WDFY3: variants seen among roughly 807,000 people sequenced by gnomAD.
WDFY3 encodes the protein WD repeat and FYVE domain-containing protein 3.
In WDFY3, 66 loss-of-function variants were observed where a neutral mutation model predicts 409.6. The ratio of observed to expected loss-of-function variants is 0.16; its 90% CI spans 0.13 to 0.20. The LOEUF (loss-of-function observed/expected upper bound fraction) is 0.20, where lower values mean the gene tolerates loss of function less well. WDFY3 is among the 10% of genes least tolerant of loss of function. The pLI, the probability that WDFY3 is intolerant of heterozygous loss-of-function variation, is 1.00. For synonymous variants in WDFY3, 1,521 were observed against 1,537.1 expected (o/e 0.99, Z 0.25); for missense variants, 3,031 against 4,298.1 (o/e 0.71, Z 8.24).
intron 55 of WDFY3, among the ~76,000 whole-genome samples, chr4:84,704,099 G>GA (rs574076761): frequency 2.3e-3 from 346 of 152,320 alleles, no homozygotes; most frequent in Non-Finnish European, 3.5e-3. Flanking sequence ...AGGGCTGGTT[G>GA]AAAAATGTAT....
Position 84,672,036 on chromosome 4 carries a change from C to T in WDFY3, c.*832G>A, listed in dbSNP as rs1394965114. On this transcript the variant is annotated 3_prime_UTR_variant, in exon 68 of 68. Coordinates refer to ENST00000295888, the MANE Select transcript of WDFY3 (RefSeq NM_014991.6). ...GGTATTCTTTGACCAAACAGCAGTC[C>T]ACATACAAGTTTAAAAGGGGCCCTG... is the stretch of plus-strand genomic sequence containing the variant. The T allele has an allele frequency of 6.6e-6, 1 of 152,144 alleles. No individual in the cohort carries two copies. The highest frequency in any genetic ancestry group is 2.4e-5 in the African/African-American group (1 of 41,418). The allele number at this position is 152,144 out of a possible 1,614,324, so 9.4% of individuals were successfully genotyped here. A position where few individuals can be genotyped will look rare whatever the true frequency, so the allele number is the denominator to read the frequency against.
Position 84,867,971 on chromosome 4 carries a change from T to C in WDFY3, c.-31-7349A>G, listed in dbSNP as rs543761026. 1.8e-4 allele frequency among the ~76,000 whole-genome samples: 27 copies of C among 151,678 alleles called. No individual in the cohort carries two copies. In the East Asian group the frequency reaches 2.9e-3, roughly 16 times the overall value. ...AGATCACAAGGTCAAGAGATCAAGA[T>C]CATCCTGGCCAACATGGTGAAACCC... On this transcript the variant is annotated intron_variant, in intron 3 of 67. Coordinates refer to ENST00000295888, the MANE Select transcript of WDFY3 (RefSeq NM_014991.6).
chr4:84,688,405 A>AGTCT, intron 61 of WDFY3, 140 bp from the exon 62 acceptor site: 1 of 808,812 alleles, frequency 1.2e-6, no homozygotes, highest in Admixed American at 3.2e-5. Context: ...GTGTCTGGAG[A>AGTCT]GTCTGGAAGG....
At chr4:84,911,766 ATTT>A (rs1027874028) in intron 2 of WDFY3, among the ~76,000 whole-genome samples, 1 of 150,410 alleles carries the variant, frequency 6.6e-6, no homozygotes, top group African/African-American at 2.5e-5. Flanking sequence ...TATTTTTATC[ATTT>A]TTTACCATAA....
At chr4:84,681,445 G>A (rs1044942561) in intron 64 of WDFY3, among the ~76,000 whole-genome samples, 4 of 152,150 alleles carry the variant, frequency 2.6e-5, no homozygotes, top group Non-Finnish European at 5.9e-5. Context: ...TGGTGGGGCT[G>A]TAATTAGAAA....
intron 1 of WDFY3, among the ~76,000 whole-genome samples, chr4:84,960,815 T>G (rs1427459478): frequency 6.6e-6 from 1 of 152,188 alleles, no homozygotes; most frequent in African/African-American, 2.4e-5. Flanking sequence ...TATCATCTTC[T>G]GAATGAATGA....
chr4:84,832,857 T>A (rs894624446), intron 7 of WDFY3, among the ~76,000 whole-genome samples: 1 of 152,164 alleles, frequency 6.6e-6, no homozygotes. Context: ...GTTCTTTAAT[T>A]TTTAGTTTGC....
chr4:84,951,590 C>T (rs1773618438), intron 1 of WDFY3, among the ~76,000 whole-genome samples: 1 of 152,166 alleles, frequency 6.6e-6, no homozygotes, highest in African/African-American at 2.4e-5. Context: ...GCCACACATG[C>T]TATATAGTAA....
At chr4:84,748,715 A>G (rs1395955180) in intron 36 of WDFY3, among the ~76,000 whole-genome samples, 2 of 152,208 alleles carry the variant, frequency 1.3e-5, no homozygotes, top group Non-Finnish European at 2.9e-5. Flanking sequence ...GCTAATGAAG[A>G]TAATTTTACA....
intron 50 of WDFY3, among the ~76,000 whole-genome samples, chr4:84,714,629 A>G (rs1250472339): frequency 6.6e-6 from 1 of 152,150 alleles, no homozygotes; most frequent in African/African-American, 2.4e-5. Flanking sequence ...TGGTAAATAC[A>G]AAGAAAGCTT....
intron 4 of WDFY3, among the ~76,000 whole-genome samples, chr4:84,850,936 T>TTTTTG (rs1758891221): frequency 1.9e-5 from 1 of 53,600 alleles, no homozygotes; most frequent in African/African-American, 6.2e-5. Flanking sequence ...CTGTTTTTTT[T>TTTTTG]TTTTTTTTTT....
At chr4:84,887,246 C>A (rs777338017) in intron 3 of WDFY3, among the ~76,000 whole-genome samples, 13 of 152,130 alleles carry the variant, frequency 8.5e-5, no homozygotes, top group Admixed American at 1.3e-4. Flanking sequence ...TCAGGGAAAC[C>A]TAATCTAGCT....
intron 46 of WDFY3, 96 bp downstream of exon 46, chr4:84,724,330 G>T: frequency 7.4e-7 from 1 of 1,354,142 alleles, no homozygotes; most frequent in South Asian, 1.5e-5. Flanking sequence ...TTTTAAAGTT[G>T]GCCCTACTAT....
At chr4:84,884,731 T>G (rs538685283) in intron 3 of WDFY3, among the ~76,000 whole-genome samples, 1 of 152,284 alleles carries the variant, frequency 6.6e-6, no homozygotes, top group South Asian at 2.1e-4. Context: ...AGTGGCAGAA[T>G]GGTATAACAA....
chr4:84,708,530 G>A lies in WDFY3; in HGVS notation c.8217+379C>T, dbSNP rs188450128. ...AACCAAATAAAACATTTAGGCAACC[G>A]TAGTTTTTTTTTTTTTTCTTTGTGG... On this transcript the variant is annotated intron_variant, in intron 53 of 67. Transcript: ENST00000295888. Among the ~76,000 whole-genome samples the A allele has an allele frequency of 5.9e-5, 9 of 151,562 alleles. No homozygotes were observed. In the South Asian group the frequency reaches 6.3e-4, roughly 11 times the overall value.
At chr4:84,715,720 A>T (rs1013897926) in intron 49 of WDFY3, among the ~76,000 whole-genome samples, 1 of 146,102 alleles carries the variant, frequency 6.8e-6, no homozygotes, top group Non-Finnish European at 1.5e-5. Flanking sequence ...GCTTGCAGTG[A>T]GCCAAGATCG....
chr4:84,721,720 T>C (rs1196087452), intron 46 of WDFY3, 148 bp from the exon 47 acceptor site: 3 of 874,206 alleles, frequency 3.4e-6, no homozygotes, highest in African/African-American at 1.7e-5. Context: ...GTTAAGAACA[T>C]AGTCCTCTGG....
At chr4:84,912,873 A>G (rs551933265) in intron 2 of WDFY3, among the ~76,000 whole-genome samples, 2 of 152,314 alleles carry the variant, frequency 1.3e-5, no homozygotes, top group East Asian at 3.9e-4. Context: ...GTTTATAATC[A>G]TAAGTGTCCT....
intron 2 of WDFY3, among the ~76,000 whole-genome samples, chr4:84,918,317 A>T (rs966949050): frequency 1.3e-5 from 2 of 152,306 alleles, no homozygotes; most frequent in South Asian, 4.1e-4. Flanking sequence ...ATAGAAAAGA[A>T]GATGAATGAA....
Sources: allele counts gnomAD v4.1 joint callset (sites outside exome capture counted in the v4.1 genomes callset), GRCh38; gene constraint gnomAD v4.1.1; transcripts MANE v1.5; gene names NCBI Gene and HGNC (gene_info 2026-07-23, HGNC 2026-07-21).